ACP1: variants seen among roughly 807,000 people sequenced by gnomAD.
ACP1 encodes acid phosphatase 1, also known as low molecular weight phosphotyrosine protein phosphatase.
Under a neutral mutation model 23.4 loss-of-function variants are expected in ACP1, and 23 were observed. The observed-to-expected ratio is 0.98, with a 90% CI of 0.71 to 1.39. The LOEUF (loss-of-function observed/expected upper bound fraction) is 1.39, where lower values mean the gene tolerates loss of function less well. Ranked by LOEUF, ACP1 falls within the 40% of genes most tolerant of loss-of-function variation. The pLI, the probability that ACP1 is intolerant of heterozygous loss-of-function variation, is 0.00. For missense variants in ACP1, 180 were observed against 197.7 expected, an observed-to-expected ratio of 0.91 and a Z score of 0.54; for synonymous variants, 72 against 67.2, an observed-to-expected ratio of 1.07 and a Z score of -0.35.
At chr2:272,417 A>G in intron 3 of ACP1, 1 of 1,486,206 alleles carries the variant, frequency 6.7e-7, no homozygotes, top group Non-Finnish European at 8.9e-7. Context: ...GGGTGAGCTT[A>G]ACCAGCTATG....
chr2:276,584 G>A (rs532362865), intron 4 of ACP1, among the ~76,000 whole-genome samples: 1 of 152,320 alleles, frequency 6.6e-6, no homozygotes, highest in Admixed American at 6.5e-5. Context: ...GGGTCGTGCT[G>A]TGGGAAGTGC....
intron 1 of ACP1, among the ~76,000 whole-genome samples, chr2:267,169 C>T (rs1032936190): frequency 5.9e-5 from 9 of 152,114 alleles, no homozygotes; most frequent in African/African-American, 1.9e-4. Context: ...CATGGGGTAA[C>T]CATGGAAAGC....
At chr2:275,381 G>C (rs1670143407) in intron 4 of ACP1, 180 bp downstream of exon 4, 1 of 384,710 alleles carries the variant, frequency 2.6e-6, no homozygotes, top group Non-Finnish European at 4.7e-6. Context: ...TTGTCTCTTA[G>C]GTATTTACAA....
chr2:268,277 G>A (rs183843756), intron 1 of ACP1, among the ~76,000 whole-genome samples: 24 of 152,340 alleles, frequency 1.6e-4, no homozygotes, highest in Non-Finnish European at 3.1e-4. Flanking sequence ...GCCATATAGA[G>A]GACAGTAAGA....
chr2:274,955 G>A (rs531397137), intron 3 of ACP1, 185 bp from the exon 4 acceptor site: 226 of 380,870 alleles, frequency 5.9e-4, no homozygotes, highest in Middle Eastern at 1.3e-3. Context: ...AAATTTCTTT[G>A]CAGTACAATT....
At chr2:270,749 C>T (rs1670006364) in intron 1 of ACP1, among the ~76,000 whole-genome samples, 1 of 152,078 alleles carries the variant, frequency 6.6e-6, no homozygotes, top group African/African-American at 2.4e-5. Context: ...TGAATATTGT[C>T]TCATGTTGAT....
chr2:266,506 A>G (rs1361002797), intron 1 of ACP1: 1 of 152,240 alleles, frequency 6.6e-6, no homozygotes, highest in Non-Finnish European at 1.5e-5. Context: ...TTGCATATAC[A>G]GTAGTCCCAC....
At chr2:265,154 G>T (rs114190930) in intron 1 of ACP1, 147 bp downstream of exon 1, 2 of 880,072 alleles carry the variant, frequency 2.3e-6, no homozygotes, top group South Asian at 1.9e-5. Context: ...GGAGTGTGCC[G>T]CAGCGCCCCT....
intron 4 of ACP1, 38 bp downstream of exon 4, chr2:275,239 C>CCA: frequency 8.3e-7 from 1 of 1,203,012 alleles, no homozygotes; most frequent in Non-Finnish European, 1.2e-6. Context: ...GTTCAACTCT[C>CCA]AGTTCAGCAG....
rs780463480 is a variant in ACP1 at position 272,121 on chromosome 2, G to C, written c.202G>C (p.Gly68Arg). 1.2e-6 allele frequency: 2 copies of C among 1,614,076 alleles called. No homozygotes were observed. The highest frequency in any genetic ancestry group is 1.7e-6 in the Non-Finnish European group (2 of 1,180,044). ...AGGGCAGAGCTGCATGAAGAGGCAC[G>C]GCATTCCCATGAGCCACGTTGCCCG... is the stretch of plus-strand genomic sequence containing the variant. ...YRGQSCMKRH[G>R]IPMSHVARQI... The change falls in exon 3 of 6, where the codon GGC becomes CGC. Residue 68 changes from glycine to arginine, a missense_variant. Physicochemically the swap from Gly to Arg is moderately radical, Grantham distance 125. This residue lies in a region of ACP1 where 132 missense variants were observed against 124.1 expected (regional missense o/e 1.06). Coordinates refer to ENST00000272065, the MANE Select transcript of ACP1 (RefSeq NM_004300.4).
rs1323452102 is a variant in ACP1 at position 277,486 on chromosome 2, A to C, written c.*182A>C. On this transcript the variant is annotated 3_prime_UTR_variant, in exon 6 of 6. Coordinates refer to ENST00000272065, the MANE Select transcript of ACP1 (RefSeq NM_004300.4). Reference sequence around the variant, plus strand: ...ATCAGTTGTGTTTGGCAGGAGAATCAATAAAAATCTTTGATTCAGACAGCT... The same window carrying C: ...ATCAGTTGTGTTTGGCAGGAGAATCCATAAAAATCTTTGATTCAGACAGCT... 5 of 617,984 alleles carry C rather than the reference A, an allele frequency of 8.1e-6. No individual in the cohort carries two copies. The African/African-American group carries it at 9.2e-5, about 11-fold the overall frequency. The allele number at this position is 617,984 out of a possible 1,614,324, so 38.3% of individuals were successfully genotyped here. A position where few individuals can be genotyped will look rare whatever the true frequency, so the allele number is the denominator to read the frequency against.
chr2:276,834 A>G (rs1670186784), intron 4 of ACP1, 146 bp from the exon 5 acceptor site: 1 of 604,750 alleles, frequency 1.7e-6, no homozygotes, highest in Non-Finnish European at 3.0e-6. Flanking sequence ...AAGGGGCCAC[A>G]CGGGCCTGCT....
chr2:267,548 G>A (rs1054027702), intron 1 of ACP1, among the ~76,000 whole-genome samples: 1 of 152,216 alleles, frequency 6.6e-6, no homozygotes, highest in African/African-American at 2.4e-5. Flanking sequence ...AGGAAAGCAG[G>A]TAAAAGTTTT....
Position 275,188 on chromosome 2 carries a change from G to A in ACP1, c.280G>A (p.Glu94Lys). 6.5e-7 allele frequency: 1 copy of A among 1,536,298 alleles called. No individual in the cohort carries two copies. The highest frequency in any genetic ancestry group is 8.9e-7 in the Non-Finnish European group (1 of 1,122,506). The stretch of plus-strand genomic sequence containing the variant: ...ATTTGATTATATACTATGTATGGAT[G>A]AAAGCAATCTGAGGTAATCCTGTTT... ...ATFDYILCMD[E>K]SNLRDLNRKS... The change falls in exon 4 of 6, where the codon GAA (glutamate) becomes AAA (lysine). Residue 94 changes from glutamate to lysine, a missense_variant. Physicochemically the swap from Glu to Lys is moderately conservative, Grantham distance 56 (BLOSUM62 1). This residue lies in a region of ACP1 where 132 missense variants were observed against 124.1 expected (regional missense o/e 1.06). Coordinates refer to ENST00000272065, the MANE Select transcript of ACP1 (RefSeq NM_004300.4).
At chr2:274,353 T>G (rs1253612225) in intron 3 of ACP1, among the ~76,000 whole-genome samples, 2 of 152,210 alleles carry the variant, frequency 1.3e-5, no homozygotes, top group Non-Finnish European at 2.9e-5. Context: ...ATGTTTATGT[T>G]TCTTATTCTG....
chr2:275,349 C>CA (rs1288094559), intron 4 of ACP1, 148 bp downstream of exon 4: 21 of 420,124 alleles, frequency 5.0e-5, no homozygotes, highest in African/African-American at 3.2e-4. Flanking sequence ...TTTAGAACAG[C>CA]AAAAAACTTA....
intron 1 of ACP1, among the ~76,000 whole-genome samples, chr2:269,648 GGTC>G (rs1669979531): frequency 6.6e-6 from 1 of 152,182 alleles, no homozygotes; most frequent in Admixed American, 6.5e-5. Flanking sequence ...CCAGAAGCAA[GGTC>G]GTAGAAACCA....
intron 1 of ACP1, among the ~76,000 whole-genome samples, chr2:267,903 A>C (rs541592772): frequency 6.6e-6 from 1 of 152,364 alleles, no homozygotes; most frequent in South Asian, 2.1e-4. Context: ...ATTTGTGGAC[A>C]TCAGAATTGG....
intron 1 of ACP1, among the ~76,000 whole-genome samples, chr2:266,116 A>T (rs1669873287): frequency 6.6e-6 from 1 of 152,214 alleles, no homozygotes; most frequent in Non-Finnish European, 1.5e-5. Flanking sequence ...CTTTTATTAC[A>T]CAAATTTTAC....
Sources: allele counts gnomAD v4.1 joint callset (sites outside exome capture counted in the v4.1 genomes callset), GRCh38; gene constraint gnomAD v4.1.1; regional missense constraint gnomAD v4.1.1; transcripts MANE v1.5; gene names NCBI Gene and HGNC (gene_info 2026-07-23, HGNC 2026-07-21).